Variants in EDIL3 observed in about 807,000 individuals in gnomAD.
EDIL3 encodes EGF-like repeat and discoidin I-like domain-containing protein 3.
In EDIL3, 37 loss-of-function variants were observed where a neutral mutation model predicts 67.4. That is an observed-to-expected ratio of 0.55 (90% CI 0.42 to 0.72). The LOEUF (loss-of-function observed/expected upper bound fraction) is 0.72, where lower values mean the gene tolerates loss of function less well. Among genes scored for constraint, EDIL3 ranks in the 30% least tolerant of loss-of-function variants. The pLI is 0.00. For synonymous variants in EDIL3, 195 were observed against 196.3 expected (o/e 0.99, Z 0.05); for missense variants, 527 against 586.3 (o/e 0.90, Z 1.04).
chr5:84,182,747 C>T (rs1749037796), intron 3 of EDIL3, among the ~76,000 whole-genome samples: 2 of 151,710 alleles, frequency 1.3e-5, no homozygotes, highest in Non-Finnish European at 2.9e-5. Flanking sequence ...GTACAGTTCC[C>T]GGACCTTGAC....
intron 3 of EDIL3, among the ~76,000 whole-genome samples, chr5:84,194,877 G>T (rs1743671000): frequency 6.6e-6 from 1 of 151,816 alleles, no homozygotes; most frequent in Non-Finnish European, 1.5e-5. Flanking sequence ...CTTCACGAAA[G>T]TTATTAGACA....
rs533603588 is a variant in EDIL3 at position 83,982,227 on chromosome 5, G to A, written c.1138-18867C>T. Among the ~76,000 whole-genome samples, 5 of 151,994 alleles carry A rather than the reference G, an allele frequency of 3.3e-5. No homozygotes were observed. The South Asian group carries it at 1.0e-3, about 32-fold the overall frequency. On this transcript the variant is annotated intron_variant, in intron 9 of 10. Coordinates refer to ENST00000296591, the MANE Select transcript of EDIL3 (RefSeq NM_005711.5). The stretch of plus-strand genomic sequence containing the variant: ...CACTCCCTCCCAGCTTTTCTTATAT[G>A]GCATAATGCCTAGGTCAGAGCTAGA...
At chr5:84,092,754 C>A (rs933294166) in intron 6 of EDIL3, among the ~76,000 whole-genome samples, 1 of 150,954 alleles carries the variant, frequency 6.6e-6, no homozygotes. Context: ...TAAAAATGTG[C>A]AAGAAGCTAA....
chr5:84,310,257 G>A (rs887334541), intron 1 of EDIL3, among the ~76,000 whole-genome samples: 9 of 152,144 alleles, frequency 5.9e-5, no homozygotes, highest in Admixed American at 1.3e-4. Flanking sequence ...TGCTAATGAT[G>A]ACAATGAGGT....
intron 9 of EDIL3, among the ~76,000 whole-genome samples, chr5:84,032,513 T>C (rs2112204190): frequency 1.3e-5 from 2 of 152,324 alleles, no homozygotes; most frequent in African/African-American, 4.8e-5. Context: ...CATTCTTTTT[T>C]TTTAAATAAA....
At chr5:84,136,116 A>G (rs1169747589) in intron 5 of EDIL3, among the ~76,000 whole-genome samples, 1 of 152,150 alleles carries the variant, frequency 6.6e-6, no homozygotes, top group African/African-American at 2.4e-5. Flanking sequence ...ATTCATGTTT[A>G]TATTATACCT....
intron 9 of EDIL3, among the ~76,000 whole-genome samples, chr5:84,034,825 T>C (rs965974511): frequency 6.6e-6 from 1 of 152,116 alleles, no homozygotes; most frequent in African/African-American, 2.4e-5. Flanking sequence ...GTTTGGTATT[T>C]TACCTCCTCA....
chr5:84,004,678 A>T (rs1561399921), intron 9 of EDIL3, among the ~76,000 whole-genome samples: 1 of 152,128 alleles, frequency 6.6e-6, no homozygotes, highest in Non-Finnish European at 1.5e-5. Flanking sequence ...TCTGGGACAC[A>T]GCTAAGGTAG....
At chr5:84,275,608 A>G (rs1745570704) in intron 1 of EDIL3, among the ~76,000 whole-genome samples, 1 of 152,172 alleles carries the variant, frequency 6.6e-6, no homozygotes, top group African/African-American at 2.4e-5. Context: ...TTAGTGTGGG[A>G]TATCTGTGCT....
chr5:83,979,013 TAG>T (rs1744920897), intron 9 of EDIL3, among the ~76,000 whole-genome samples: 1 of 151,946 alleles, frequency 6.6e-6, no homozygotes, highest in South Asian at 2.1e-4. Context: ...AAAGAAAACA[TAG>T]AGTCTGAGAG....
chr5:84,252,963 T>A (rs541527355), intron 2 of EDIL3, among the ~76,000 whole-genome samples: 1 of 152,210 alleles, frequency 6.6e-6, no homozygotes, highest in South Asian at 2.1e-4. Flanking sequence ...ATAACATATA[T>A]TCATAATGCA....
intron 4 of EDIL3, among the ~76,000 whole-genome samples, chr5:84,154,040 G>C (rs569017464): frequency 6.6e-6 from 1 of 152,236 alleles, no homozygotes; most frequent in South Asian, 2.1e-4. Context: ...CTCCCTGTGT[G>C]ATCATTCAGA....
At chr5:84,256,432 T>C (rs777844255) in intron 1 of EDIL3, among the ~76,000 whole-genome samples, 1 of 152,140 alleles carries the variant, frequency 6.6e-6, no homozygotes, top group Non-Finnish European at 1.5e-5. Context: ...TTAAGGAGAC[T>C]CAGTGCTATC....
intron 9 of EDIL3, among the ~76,000 whole-genome samples, chr5:84,005,569 G>GA (rs1396822116): frequency 6.6e-6 from 1 of 151,950 alleles, no homozygotes; most frequent in African/African-American, 2.4e-5. Context: ...AACTAAAAGT[G>GA]AAAACCACAT....
chr5:84,243,387 C>G (rs1455489195), intron 2 of EDIL3, among the ~76,000 whole-genome samples: 2 of 152,164 alleles, frequency 1.3e-5, no homozygotes, highest in East Asian at 3.9e-4. Flanking sequence ...TGATGCACTC[C>G]AATTTATCTA....
chr5:84,142,647 A>G (rs1431699058), intron 4 of EDIL3, among the ~76,000 whole-genome samples: 2 of 152,010 alleles, frequency 1.3e-5, no homozygotes, highest in Non-Finnish European at 2.9e-5. Context: ...CTGGGGATAG[A>G]TATCTATCTA....
intron 7 of EDIL3, among the ~76,000 whole-genome samples, chr5:84,065,195 T>G (rs1055561389): frequency 6.6e-6 from 1 of 152,176 alleles, no homozygotes; most frequent in African/African-American, 2.4e-5. Flanking sequence ...CTGCTCATTT[T>G]CCTACTTAGT....
At chr5:83,980,660 C>T (rs574001191) in intron 9 of EDIL3, among the ~76,000 whole-genome samples, 23 of 138,262 alleles carry the variant, frequency 1.7e-4, no homozygotes, top group South Asian at 4.7e-4. Flanking sequence ...TGCACTGAAG[C>T]CTGGTGAAAG....
intron 9 of EDIL3, among the ~76,000 whole-genome samples, chr5:84,029,366 C>T (rs568884117): frequency 6.6e-5 from 10 of 152,264 alleles, no homozygotes; most frequent in South Asian, 2.1e-4. Flanking sequence ...CCTTGCCTTC[C>T]GCAACGATTG....
Sources: gnomAD v4.1 joint callset for allele counts (sites outside exome capture counted in the v4.1 genomes callset) on GRCh38, gnomAD v4.1.1 for gene constraint, MANE v1.5 for transcripts, NCBI Gene and HGNC (gene_info 2026-07-23, HGNC 2026-07-21) for gene names.